Variants in BLK observed in about 807,000 individuals in gnomAD.
BLK encodes the protein BLK proto-oncogene, Src family tyrosine kinase, also known as tyrosine-protein kinase Blk.
Under a neutral mutation model 61.8 loss-of-function variants are expected in BLK, and 64 were observed. The ratio of observed to expected loss-of-function variants is 1.03; its 90% confidence interval spans 0.85 to 1.27. BLK has a LOEUF of 1.27. BLK is among the 50% of genes most tolerant of loss of function. BLK has a pLI of 0.00. For missense variants in BLK, 853 were observed against 660.5 expected, an observed-to-expected ratio of 1.29 and a Z score of -3.19; for synonymous variants, 351 against 272.0, an observed-to-expected ratio of 1.29 and a Z score of -2.86.
At chr8:11,506,038 C>A (rs1213686306) in intron 1 of BLK, among the ~76,000 whole-genome samples, 1 of 152,222 alleles carries the variant, frequency 6.6e-6, no homozygotes, top group African/African-American at 2.4e-5. Context: ...GTGGGCCCAA[C>A]AGGGAGGCAG....
intron 9 of BLK, 98 bp downstream of exon 9, chr8:11,556,935 G>A (rs775459994): frequency 2.2e-6 from 3 of 1,365,906 alleles, no homozygotes; most frequent in African/African-American, 1.4e-5. Context: ...CCAGGCCAGG[G>A]GGTCCTGCAG....
rs745823355 is a variant in BLK at position 11,549,054 on chromosome 8, C to A, written c.300C>A (p.Leu100=). Residue 100 remains leucine, a synonymous_variant, in exon 5 of 13, where the codon CTC becomes CTA. Transcript: ENST00000259089. ...GAGACTGGTGGCTGGCCAGGTCACT[C>A]GTCACAGGAAGAGAAGGCTATGTGC... ...GTGDWWLARS[L]VTGREGYVPS... The A allele has an allele frequency of 6.2e-7, 1 of 1,611,090 alleles. No individual in the cohort carries two copies. The highest frequency in any genetic ancestry group is 8.5e-7 in the Non-Finnish European group (1 of 1,178,950).
At chr8:11,538,077 CACACACACATATAT>C (rs1466639439) in intron 1 of BLK, among the ~76,000 whole-genome samples, 2 of 152,206 alleles carry the variant, frequency 1.3e-5, no homozygotes, top group Non-Finnish European at 2.9e-5. Context: ...CACATAGACA[CACACACACATATAT>C]ACACACACAT....
intron 6 of BLK, chr8:11,553,654 G>A (rs1459020647): frequency 5.7e-6 from 1 of 174,642 alleles, no homozygotes; most frequent in South Asian, 1.2e-4. Context: ...GAGACTGGGG[G>A]CACAGCTGCA....
intron 1 of BLK, among the ~76,000 whole-genome samples, chr8:11,495,606 C>T (rs1313469396): frequency 3.9e-5 from 6 of 152,134 alleles, no homozygotes; most frequent in African/African-American, 1.4e-4. Flanking sequence ...GGGGAAGATT[C>T]CACAACATAT....
Position 11,539,081 on chromosome 8 carries a change from T to G in BLK, c.-1-4143T>G, listed in dbSNP as rs186118171. 4.6e-3 allele frequency among the ~76,000 whole-genome samples: 694 copies of G among 152,254 alleles called. 2 individuals are homozygous for G. The highest frequency in any genetic ancestry group is 7.8e-3 in the Non-Finnish European group (530 of 68,012). ...CCGTTTTTTAAGTCCGCTGGTTTTT[T>G]TTTTGTTTTGTTTTGCCTTACACCA... On this transcript the variant is annotated intron_variant, in intron 1 of 12. Coordinates refer to ENST00000259089, the MANE Select transcript of BLK (RefSeq NM_001715.3).
chr8:11,557,847 G>A (rs1205135668), intron 9 of BLK, 115 bp from the exon 10 acceptor site: 5 of 817,762 alleles, frequency 6.1e-6, no homozygotes, highest in Admixed American at 5.7e-5. Context: ...AGAGATCTGA[G>A]GGTGCAAACT....
chr8:11,551,866 C>T (rs1305762044), intron 6 of BLK, among the ~76,000 whole-genome samples: 4 of 152,136 alleles, frequency 2.6e-5, no homozygotes, highest in Non-Finnish European at 4.4e-5. Context: ...GAGCCCAAAG[C>T]ACCAGTGACC....
In BLK at chr8:11,546,104, G is replaced by T; in HGVS notation, c.175+1G>T. On this transcript the variant is annotated splice_donor_variant, in intron 3 of 12. Transcript: ENST00000259089. LOFTEE classifies it high-confidence loss of function. ...CCGCCCGATGAACACCTGGATGAAG[G>T]TAAGAAGGGTGGTTTGGGAAGCTGA... is the stretch of plus-strand genomic sequence containing the variant. 6.2e-7 allele frequency: 1 copy of T among 1,614,196 alleles called. No individual in the cohort carries two copies. The highest frequency in any genetic ancestry group is 8.5e-7 in the Non-Finnish European group (1 of 1,180,028).
intron 1 of BLK, among the ~76,000 whole-genome samples, chr8:11,539,036 GC>G (rs1800259306): frequency 6.6e-6 from 1 of 152,024 alleles, no homozygotes; most frequent in Non-Finnish European, 1.5e-5. Flanking sequence ...GGTGGGACCT[GC>G]TTTGCATTAG....
chr8:11,502,572 G>C (rs55718444), intron 1 of BLK, among the ~76,000 whole-genome samples: 12,809 of 152,202 alleles, frequency 0.084, 685 homozygotes, highest in African/African-American at 0.13. Flanking sequence ...ACAGACATGA[G>C]CCACCACGCC....
At chr8:11,556,116 G>A in intron 8 of BLK, 1 of 224,844 alleles carries the variant, frequency 4.4e-6, no homozygotes, top group Admixed American at 5.2e-5. Context: ...CCAGGTCCCT[G>A]CCAAGGCCCA....
chr8:11,506,923 G>C (rs1169316754), intron 1 of BLK, among the ~76,000 whole-genome samples: 1 of 152,196 alleles, frequency 6.6e-6, no homozygotes, highest in African/African-American at 2.4e-5. Flanking sequence ...TCTGCATCAC[G>C]GGCTGAAAGC....
chr8:11,551,356 C>T (rs1800894508), intron 6 of BLK, among the ~76,000 whole-genome samples: 1 of 152,230 alleles, frequency 6.6e-6, no homozygotes, highest in South Asian at 2.1e-4. Context: ...GCCGTCTTCT[C>T]TGTGTCCTCA....
At chr8:11,549,385 C>T (rs1800802952) in intron 5 of BLK, among the ~76,000 whole-genome samples, 1 of 152,188 alleles carries the variant, frequency 6.6e-6, no homozygotes, top group African/African-American at 2.4e-5. Flanking sequence ...ATGGAACCGG[C>T]CCCAGTGTCT....
chr8:11,519,154 C>T (rs973325197), intron 1 of BLK, among the ~76,000 whole-genome samples: 2 of 152,156 alleles, frequency 1.3e-5, no homozygotes, highest in Non-Finnish European at 2.9e-5. Context: ...TGGCCTCCAG[C>T]ATGTTGCAAG....
chr8:11,495,514 T>G (rs1307028292), intron 1 of BLK, among the ~76,000 whole-genome samples: 1 of 152,204 alleles, frequency 6.6e-6, no homozygotes, highest in Admixed American at 6.5e-5. Flanking sequence ...GCTGCTATTG[T>G]GAACTGCCAC....
rs1801312389 is a variant in BLK, at chr8:11,557,944, C to G, written c.953-18C>G. ...GGGTCACTTTGCAGAAGGGCACTTG[C>G]AACTTCTCTTTTCTTAGGATGCCTG... On this transcript the variant is annotated intron_variant, in intron 9 of 12. Coordinates refer to ENST00000259089, the MANE Select transcript of BLK (RefSeq NM_001715.3). 1.9e-6 allele frequency: 3 copies of G among 1,613,146 alleles called. No homozygotes were observed. Among genetic ancestry groups the G allele is most frequent in the Non-Finnish European group, 2.5e-6 (3 of 1,179,270 alleles).
At chr8:11,545,673 G>A (rs1457760745) in intron 2 of BLK, 3 of 310,504 alleles carry the variant, frequency 9.7e-6, no homozygotes, top group African/African-American at 4.3e-5. Context: ...TATGTTTGTC[G>A]AGTTTTGGGG....
Sources: gnomAD v4.1 joint callset for allele counts (sites outside exome capture counted in the v4.1 genomes callset) on GRCh38, gnomAD v4.1.1 for gene constraint, MANE v1.5 for transcripts, NCBI Gene and HGNC (gene_info 2026-07-23, HGNC 2026-07-21) for gene names.